Variants in KCNH7 observed in about 807,000 individuals in gnomAD.
The protein encoded by KCNH7 is potassium voltage-gated channel subfamily H member 7, also known as voltage-gated inwardly rectifying potassium channel KCNH7.
In KCNH7, 49 loss-of-function variants were observed where a neutral mutation model predicts 120.8. The ratio of observed to expected loss-of-function variants is 0.41; its 90% CI spans 0.32 to 0.51. KCNH7 has a LOEUF of 0.51. Among genes scored for constraint, KCNH7 ranks in the 20% least tolerant of loss-of-function variants. The probability of loss-of-function intolerance (pLI) is 0.38; values close to 1 mark genes in which losing one functional copy is unlikely to be tolerated. For synonymous variants in KCNH7, 547 were observed against 516.1 expected, an observed-to-expected ratio of 1.06 and a Z score of -0.81; for missense variants, 1,097 against 1,446.6, an observed-to-expected ratio of 0.76 and a Z score of 3.92.
intron 3 of KCNH7, among the ~76,000 whole-genome samples, chr2:162,530,957 A>T (rs1453704867): frequency 6.6e-6 from 1 of 151,938 alleles, no homozygotes; most frequent in Non-Finnish European, 1.5e-5. Context: ...ACTGACACCA[A>T]GTAAGAGGAA....
At chr2:162,597,211 T>A (rs1208662921) in intron 2 of KCNH7, among the ~76,000 whole-genome samples, 1 of 152,034 alleles carries the variant, frequency 6.6e-6, no homozygotes, top group Non-Finnish European at 1.5e-5. Flanking sequence ...CCAAATGAAT[T>A]GAAATCGATA....
intron 2 of KCNH7, among the ~76,000 whole-genome samples, chr2:162,755,344 C>T (rs572906135): frequency 1.1e-3 from 168 of 152,112 alleles, no homozygotes; most frequent in African/African-American, 4.0e-3. Context: ...TGGTGGTGGG[C>T]ACCTGTAATC....
chr2:162,697,458 C>A (rs1395202182), intron 2 of KCNH7, among the ~76,000 whole-genome samples: 1 of 151,960 alleles, frequency 6.6e-6, no homozygotes, highest in Non-Finnish European at 1.5e-5. Flanking sequence ...ATGGGCAAGG[C>A]TAAATAAACT....
In KCNH7 at chr2:162,561,052, CTT is replaced by C. The variant is rs58710467; in HGVS notation, c.308-23974_308-23973del. On this transcript the variant is annotated intron_variant, in intron 2 of 15. Transcript: ENST00000332142. ...ATTGAAAATACAGAAATGAAATAACCTTTTTTTTTTTTTACTATCTGGAAATG... is the reference window on the plus strand; with the variant it reads ...ATTGAAAATACAGAAATGAAATAACCTTTTTTTTTTTACTATCTGGAAATG... Among the ~76,000 whole-genome samples the C allele has an allele frequency of 1.1e-3, 157 of 148,200 alleles. 1 individual carries two copies. The highest frequency in any genetic ancestry group is 1.3e-3 in the Admixed American group (20 of 14,876).
Position 162,371,905 on chromosome 2 carries a change from G to C in KCNH7, c.3515C>G (p.Pro1172Arg), listed in dbSNP as rs764856967. The change falls in exon 16 of 16, where the codon CCA becomes CGA. Residue 1172 changes from proline (P) to arginine (R), a missense_variant. Physicochemically the swap from Pro to Arg is moderately radical, Grantham distance 103. Coordinates refer to ENST00000332142, the MANE Select transcript of KCNH7 (RefSeq NM_033272.4). ...TCCTACAGTGCTTAGGGATGAATCT[G>C]GCAAAGAAGGATGCCTAATTGGATG... ...YVHPIRHPSLPDSSLSTVGIV... is the reference protein window; with the variant it reads ...YVHPIRHPSLRDSSLSTVGIV... 2 of 1,613,726 alleles carry C rather than the reference G, an allele frequency of 1.2e-6. No homozygotes were observed. Among genetic ancestry groups the C allele is most frequent in the Non-Finnish European group, 1.7e-6 (2 of 1,179,750 alleles).
At chr2:162,431,551 C>T (rs1270321346) in intron 8 of KCNH7, among the ~76,000 whole-genome samples, 1 of 151,922 alleles carries the variant, frequency 6.6e-6, no homozygotes, top group African/African-American at 2.4e-5. Flanking sequence ...CATAATATGT[C>T]ATGGTGCAGT....
intron 2 of KCNH7, among the ~76,000 whole-genome samples, chr2:162,781,499 A>G (rs1206911755): frequency 6.6e-6 from 1 of 152,248 alleles, no homozygotes; most frequent in Non-Finnish European, 1.5e-5. Flanking sequence ...AAGAGAATGA[A>G]AACAAATACA....
At chr2:162,563,254 C>T (rs1693134797) in intron 2 of KCNH7, among the ~76,000 whole-genome samples, 1 of 152,104 alleles carries the variant, frequency 6.6e-6, no homozygotes, top group East Asian at 1.9e-4. Context: ...GGGTTTGCAG[C>T]ATGAAATCAT....
chr2:162,438,811 C>T (rs185290756), intron 7 of KCNH7, among the ~76,000 whole-genome samples: 1 of 152,154 alleles, frequency 6.6e-6, no homozygotes, highest in Non-Finnish European at 1.5e-5. Context: ...ATTGTAATAA[C>T]TCTTTCCTGC....
chr2:162,524,422 C>G (rs1256062328), intron 3 of KCNH7, among the ~76,000 whole-genome samples: 1 of 152,010 alleles, frequency 6.6e-6, no homozygotes, highest in Non-Finnish European at 1.5e-5. Flanking sequence ...CTGGTATTTC[C>G]AGCAGCTGGG....
intron 1 of KCNH7, 53 bp downstream of exon 1, chr2:162,838,390 G>T: frequency 1.4e-6 from 2 of 1,452,908 alleles, no homozygotes; most frequent in African/African-American, 1.4e-5. Context: ...TGGACGCCAA[G>T]TGCACTAACA....
Position 162,507,242 on chromosome 2 carries a change from G to A in KCNH7, c.914-2585C>T, listed in dbSNP as rs192154535. On this transcript the variant is annotated intron_variant, in intron 5 of 15. Transcript: ENST00000332142. ...CAATCTGTGTTTGGAGCTGTTATTT[G>A]CAAATATGTAAGCTAAGAGATTTGA... Among the ~76,000 whole-genome samples the A allele has an allele frequency of 4.4e-4, 67 of 151,746 alleles. 1 individual carries two copies. Among genetic ancestry groups the A allele is most frequent in the Admixed American group, 4.2e-3 (64 of 15,198 alleles).
intron 2 of KCNH7, among the ~76,000 whole-genome samples, chr2:162,561,653 C>A (rs1459705158): frequency 2.0e-5 from 3 of 152,132 alleles, no homozygotes; most frequent in Admixed American, 6.5e-5. Flanking sequence ...TGATGATGAG[C>A]TTTTTTTCAT....
chr2:162,628,789 T>C (rs1353614948), intron 2 of KCNH7, among the ~76,000 whole-genome samples: 3 of 152,098 alleles, frequency 2.0e-5, no homozygotes, highest in Non-Finnish European at 4.4e-5. Flanking sequence ...CTTGTTTATA[T>C]TTTTAATGGC....
intron 2 of KCNH7, among the ~76,000 whole-genome samples, chr2:162,560,416 G>C (rs1293555922): frequency 6.6e-6 from 1 of 152,172 alleles, no homozygotes; most frequent in African/African-American, 2.4e-5. Context: ...TTTCAGAGGA[G>C]AGGAAAGTCT....
intron 2 of KCNH7, among the ~76,000 whole-genome samples, chr2:162,539,126 G>A (rs1234245367): frequency 6.6e-6 from 1 of 151,960 alleles, no homozygotes; most frequent in Admixed American, 6.6e-5. Context: ...GGTAACAAAC[G>A]GGATGACTTT....
Position 162,541,828 on chromosome 2 carries a change from C to A in KCNH7, c.308-4748G>T, listed in dbSNP as rs138319560. On this transcript the variant is annotated intron_variant, in intron 2 of 15. Coordinates refer to ENST00000332142, the MANE Select transcript of KCNH7 (RefSeq NM_033272.4). ...GTGTAACAAACCTGCACATTCTGCA[C>A]ATGTACCCCTGAACTTAAAATAAAA... Among the ~76,000 whole-genome samples the A allele has an allele frequency of 6.6e-3, 998 of 152,134 alleles. 14 individuals carry two copies. The highest frequency in any genetic ancestry group is 0.022 in the African/African-American group (933 of 41,506).
chr2:162,395,757 T>C (rs930070554), intron 11 of KCNH7, among the ~76,000 whole-genome samples: 4 of 151,792 alleles, frequency 2.6e-5, no homozygotes, highest in African/African-American at 9.7e-5. Flanking sequence ...ATCAGGGTAT[T>C]AAATGGCATC....
At chr2:162,539,506 G>A (rs1254551126) in intron 2 of KCNH7, among the ~76,000 whole-genome samples, 1 of 151,912 alleles carries the variant, frequency 6.6e-6, no homozygotes, top group Non-Finnish European at 1.5e-5. Context: ...TTGGTAATAA[G>A]GGGCAAAATC....
Sources: gnomAD v4.1 joint callset for allele counts (sites outside exome capture counted in the v4.1 genomes callset) on GRCh38, gnomAD v4.1.1 for gene constraint, MANE v1.5 for transcripts, NCBI Gene and HGNC (gene_info 2026-07-23, HGNC 2026-07-21) for gene names.